Variants in CYRIB observed in about 807,000 individuals in gnomAD.
CYRIB encodes CYFIP related Rac1 interactor B.
Under a neutral mutation model 44.2 loss-of-function variants are expected in CYRIB, and 8 were observed. That is an observed-to-expected ratio of 0.18 (90% confidence interval 0.11 to 0.33). The LOEUF is 0.33. Among genes scored for constraint, CYRIB ranks in the 10% least tolerant of loss-of-function variants. CYRIB has a pLI of 1.00. For missense variants in CYRIB, 185 were observed against 382.8 expected, an observed-to-expected ratio of 0.48 and a Z score of 4.31; for synonymous variants, 131 against 127.2, an observed-to-expected ratio of 1.03 and a Z score of -0.20.
At chr8:129,897,177 CTATT>C (rs1050435058) in intron 2 of CYRIB, among the ~76,000 whole-genome samples, 2 of 152,180 alleles carry the variant, frequency 1.3e-5, no homozygotes, top group Admixed American at 6.5e-5. Context: ...TCACCCTTGA[CTATT>C]TAACCTTAGT....
chr8:129,848,194 C>A (rs1406592713), intron 10 of CYRIB, among the ~76,000 whole-genome samples: 1 of 152,180 alleles, frequency 6.6e-6, no homozygotes, highest in East Asian at 1.9e-4. Flanking sequence ...TTCAGAGTCA[C>A]AAGGGAGAAC....
upstream of CYRIB, among the ~76,000 whole-genome samples, chr8:129,940,695 G>C (rs1337502364): frequency 2.0e-5 from 3 of 152,044 alleles, no homozygotes; most frequent in Non-Finnish European, 4.4e-5. Flanking sequence ...TAACATTAAA[G>C]GGGAAAAGAT....
intron 1 of CYRIB, among the ~76,000 whole-genome samples, chr8:129,915,715 C>G (rs1316177695): frequency 1.3e-5 from 2 of 152,170 alleles, no homozygotes; most frequent in African/African-American, 4.8e-5. Flanking sequence ...CATGGACCAT[C>G]TGCATCTGCC....
chr8:129,903,946 T>C (rs542913240), intron 1 of CYRIB, among the ~76,000 whole-genome samples: 1 of 152,186 alleles, frequency 6.6e-6, no homozygotes, highest in East Asian at 1.9e-4. Flanking sequence ...AGAAAGAGGG[T>C]CTCGCTATTT....
intron 1 of CYRIB, among the ~76,000 whole-genome samples, chr8:129,975,669 C>T (rs1169975736): frequency 6.6e-6 from 1 of 152,192 alleles, no homozygotes; most frequent in African/African-American, 2.4e-5. Context: ...TATTCTGACA[C>T]TTTCCACATC....
intron 1 of CYRIB, among the ~76,000 whole-genome samples, chr8:129,909,481 C>A (rs2076966131): frequency 6.6e-6 from 1 of 152,126 alleles, no homozygotes; most frequent in South Asian, 2.1e-4. Context: ...TCATTCACAT[C>A]ATGAGCAATA....
chr8:129,928,494 T>C (rs1210984537), intron 1 of CYRIB, among the ~76,000 whole-genome samples: 1 of 151,728 alleles, frequency 6.6e-6, no homozygotes, highest in African/African-American at 2.4e-5. Context: ...TGACAGACAT[T>C]TCACCGAAAC....
At chr8:129,960,073 G>C (rs1249917415) in intron 2 of CYRIB, among the ~76,000 whole-genome samples, 2 of 152,178 alleles carry the variant, frequency 1.3e-5, no homozygotes, top group Non-Finnish European at 2.9e-5. Context: ...TATCCCATTT[G>C]AACTGGGATT....
Position 129,884,379 on chromosome 8 carries a change from C to G in CYRIB, c.-10-4908G>C, listed in dbSNP as rs192471626. ...TCTCGGCTCACTGCAACCTTCGCCT[C>G]CCAGGTTCAAGTGATTCTCCTGCCT... is the stretch of plus-strand genomic sequence containing the variant. On this transcript the variant is annotated intron_variant, in intron 2 of 11. Coordinates refer to ENST00000519824, the Ensembl canonical transcript of CYRIB. Among the ~76,000 whole-genome samples, 69 of 152,218 alleles carry G rather than the reference C, an allele frequency of 4.5e-4. No individual in the cohort carries two copies. The South Asian group carries it at 1.0e-2, about 22-fold the overall frequency.
At chr8:129,964,451 T>C (rs959356405) in intron 2 of CYRIB, among the ~76,000 whole-genome samples, 2 of 152,164 alleles carry the variant, frequency 1.3e-5, no homozygotes, top group East Asian at 3.8e-4. Context: ...TTAAGATGCC[T>C]CTCAGATAAC....
At chr8:129,873,558 TAAC>T (rs1228812794) in intron 3 of CYRIB, among the ~76,000 whole-genome samples, 22 of 152,012 alleles carry the variant, frequency 1.4e-4, no homozygotes, top group Non-Finnish European at 1.2e-4. Flanking sequence ...ACTACAGACA[TAAC>T]ATCAATAGTA....
chr8:130,007,401 C>T (rs7016267), intron 1 of CYRIB, among the ~76,000 whole-genome samples: 65,528 of 152,164 alleles, frequency 0.43, 14,379 homozygotes, highest in East Asian at 0.54. Context: ...TTATCAGCCT[C>T]CAGGTTTTCT....
chr8:129,893,832 CTTT>C (rs200158243), intron 2 of CYRIB, among the ~76,000 whole-genome samples: 17 of 143,120 alleles, frequency 1.2e-4, no homozygotes, highest in African/African-American at 3.6e-4. Flanking sequence ...CACACTAGGC[CTTT>C]TTTTTTTTTT....
intron 2 of CYRIB, chr8:129,894,532 C>T (rs1229541054): frequency 6.6e-6 from 1 of 152,198 alleles, no homozygotes; most frequent in African/African-American, 2.4e-5. Context: ...ATTTCCCAGA[C>T]ATCTTTGCCA....
intron 1 of CYRIB, among the ~76,000 whole-genome samples, chr8:129,979,511 C>T (rs1208924709): frequency 6.6e-6 from 1 of 152,154 alleles, no homozygotes; most frequent in African/African-American, 2.4e-5. Flanking sequence ...GTGAGAACAG[C>T]GCCCACAGTG....
chr8:129,967,057 T>C lies in CYRIB; in HGVS notation c.-243+3886A>G, dbSNP rs566060608. ...TTTAAAAAATTAGTGCAGTGGCCCATAATCACTTCACTGCACTCAAGCCTG... is the reference window on the plus strand; with the variant it reads ...TTTAAAAAATTAGTGCAGTGGCCCACAATCACTTCACTGCACTCAAGCCTG... On this transcript the variant is annotated intron_variant, in intron 2 of 14. Transcript: ENST00000401979. Among the ~76,000 whole-genome samples the C allele has an allele frequency of 1.9e-3, 284 of 152,218 alleles. 1 individual carries two copies. The highest frequency in any genetic ancestry group is 6.7e-3 in the African/African-American group (277 of 41,528).
At chr8:129,899,902 T>C (rs1234476240) in intron 2 of CYRIB, among the ~76,000 whole-genome samples, 1 of 152,190 alleles carries the variant, frequency 6.6e-6, no homozygotes, top group Non-Finnish European at 1.5e-5. Flanking sequence ...TGTAGTCTCT[T>C]TCATTATCAG....
intron 3 of CYRIB, among the ~76,000 whole-genome samples, chr8:129,874,433 T>C (rs139331431): frequency 6.6e-6 from 1 of 152,186 alleles, no homozygotes; most frequent in African/African-American, 2.4e-5. Context: ...AGATTAACTA[T>C]GAAATGAAAA....
At chr8:129,998,119 CAAAAAAAA>C (rs34658935) in intron 1 of CYRIB, among the ~76,000 whole-genome samples, 1 of 93,198 alleles carries the variant, frequency 1.1e-5, no homozygotes, top group Non-Finnish European at 2.3e-5. Flanking sequence ...GACTCTGTCT[CAAAAAAAA>C]AAAAAAAAAA....
Sources: gnomAD v4.1 joint callset for allele counts (sites outside exome capture counted in the v4.1 genomes callset) on GRCh38, gnomAD v4.1.1 for gene constraint, MANE v1.5 for transcripts, NCBI Gene and HGNC (gene_info 2026-07-23, HGNC 2026-07-21) for gene names.